Variants in TFEB observed in about 807,000 individuals in gnomAD.
The protein encoded by TFEB is transcription factor EB, also known as T-cell transcription factor EB.
Under a neutral mutation model 48.0 loss-of-function variants are expected in TFEB, and 12 were observed. The observed-to-expected ratio is 0.25, with a 90% CI of 0.16 to 0.40. The LOEUF is 0.40. Ranked by LOEUF, TFEB falls within the 10% of genes least tolerant of loss-of-function variation. The pLI, the probability that TFEB is intolerant of heterozygous loss-of-function variation, is 1.00. For missense variants in TFEB, 509 were observed against 640.3 expected, an observed-to-expected ratio of 0.79 and a Z score of 2.21; for synonymous variants, 244 against 261.4, an observed-to-expected ratio of 0.93 and a Z score of 0.64.
chr6:41,722,411 C>T (rs1016639020), intron 1 of TFEB, among the ~76,000 whole-genome samples: 5 of 152,244 alleles, frequency 3.3e-5, no homozygotes, highest in Non-Finnish European at 5.9e-5. Flanking sequence ...CACACCCCTC[C>T]CAGCAGACCC....
intron 1 of TFEB, among the ~76,000 whole-genome samples, chr6:41,725,416 G>T (rs1186413493): frequency 1.3e-5 from 2 of 152,174 alleles, no homozygotes; most frequent in African/African-American, 4.8e-5. Flanking sequence ...TCTAGCCTGA[G>T]AGTCTCCCCC....
rs563045587 is a variant in TFEB, at chr6:41,723,807, G to T, written c.-23+11543C>A. The T allele has an allele frequency of 1.0e-5, 4 of 393,774 alleles. No individual in the cohort carries two copies. Among genetic ancestry groups the T allele is most frequent in the African/African-American group, 2.1e-5 (1 of 48,010 alleles). 24.4% of individuals were successfully genotyped at this position (393,774 alleles called of 1,614,324 possible). A position where few individuals can be genotyped will look rare whatever the true frequency, so the allele number is the denominator to read the frequency against. On this transcript the variant is annotated intron_variant, in intron 1 of 8. Coordinates refer to ENST00000373033, the MANE Select transcript of TFEB (RefSeq NM_001271944.2). The surrounding 1 kb of genome is among the most constrained non-coding windows in gnomAD (Gnocchi z 6.0). ...CTCCCACAGGAGGCCTCTCATGGCC[G>T]CCCTGACCCCAGCCTGACCTCAGAG...
Position 41,723,546 on chromosome 6 carries a change from A to T in TFEB, c.-23+11804T>A, listed in dbSNP as rs1372329134. 7.8e-7 allele frequency: 1 copy of T among 1,274,690 alleles called. No homozygotes were observed. 79.0% of individuals were successfully genotyped at this position (1,274,690 alleles called of 1,614,324 possible). On this transcript the variant is annotated intron_variant, in intron 1 of 8. Coordinates refer to ENST00000373033, the MANE Select transcript of TFEB (RefSeq NM_001271944.2). The surrounding 1 kb of genome is among the most constrained non-coding windows in gnomAD (Gnocchi z 6.0). The stretch of plus-strand genomic sequence containing the variant: ...GAGCCCAGGGCCGCACCCCAGCCCC[A>T]GGGCCGGGCTCAGTTTCCTCATTTC...
At position 41,691,385 on chromosome 6, in the gene TFEB, C is replaced by T. The variant is rs2127449248; in HGVS notation, c.-22-150G>A. ...AGAGGGGAAGAGATTTGCCCAAGGTCACTGAGCAAGCGGGTGACAGCTGAG... is the reference window on the plus strand; with the variant it reads ...AGAGGGGAAGAGATTTGCCCAAGGTTACTGAGCAAGCGGGTGACAGCTGAG... On this transcript the variant is annotated intron_variant, in intron 1 of 8. Transcript: ENST00000373033. The surrounding 1 kb of genome is among the most constrained non-coding windows in gnomAD (Gnocchi z 5.2). The T allele has an allele frequency of 1.2e-6, 1 of 839,468 alleles. No individual in the cohort carries two copies. Among genetic ancestry groups the T allele is most frequent in the East Asian group, 2.6e-5 (1 of 37,770 alleles). The allele number at this position is 839,468 out of a possible 1,614,324, so 52.0% of individuals were successfully genotyped here.
intron 1 of TFEB, among the ~76,000 whole-genome samples, chr6:41,710,416 G>A (rs1209868287): frequency 1.3e-5 from 2 of 152,176 alleles, no homozygotes; most frequent in Non-Finnish European, 2.9e-5. Context: ...GGGACAACAG[G>A]CCAGGATGGC....
chr6:41,714,961 A>G (rs931754990), intron 1 of TFEB, among the ~76,000 whole-genome samples: 2 of 152,234 alleles, frequency 1.3e-5, no homozygotes, highest in Non-Finnish European at 2.9e-5. Flanking sequence ...TGTTAGCAGC[A>G]GCACTCCCAT....
chr6:41,697,408 CAA>C (rs56059829), intron 1 of TFEB, among the ~76,000 whole-genome samples: 15 of 63,500 alleles, frequency 2.4e-4, no homozygotes, highest in South Asian at 1.3e-3. Flanking sequence ...AACTCCATCT[CAA>C]AAAAAAAAAA....
chr6:41,689,612 G>A, intron 4 of TFEB, 119 bp downstream of exon 4: 1 of 743,108 alleles, frequency 1.3e-6, no homozygotes, highest in East Asian at 2.6e-5. Flanking sequence ...CATCTCTACA[G>A]AAACATGCCA....
At chr6:41,686,305 C>G (rs553860859) in intron 7 of TFEB, 68 bp from the exon 8 acceptor site, 1 of 1,589,422 alleles carries the variant, frequency 6.3e-7, no homozygotes, top group African/African-American at 1.3e-5. Context: ...TGCTACTGCT[C>G]TGGTTGCAGA....
intron 1 of TFEB, among the ~76,000 whole-genome samples, chr6:41,727,174 G>C (rs1331908074): frequency 6.6e-6 from 1 of 152,202 alleles, no homozygotes; most frequent in East Asian, 1.9e-4. Flanking sequence ...CATTCCTCTG[G>C]GCCCCTGACA....
chr6:41,698,954 T>C (rs1769754052), intron 1 of TFEB, among the ~76,000 whole-genome samples: 1 of 152,152 alleles, frequency 6.6e-6, no homozygotes. Flanking sequence ...TGAGTCACTG[T>C]AGGGCCTGGG....
intron 3 of TFEB, 22 bp from the exon 4 acceptor site, chr6:41,689,833 CT>C: frequency 1.2e-6 from 2 of 1,605,428 alleles, no homozygotes; most frequent in Non-Finnish European, 1.7e-6. Context: ...AAAAGTCCAT[CT>C]GGGGAGGGCC....
chr6:41,733,535 T>C, intron 1 of TFEB: 1 of 803,000 alleles, frequency 1.2e-6, no homozygotes, highest in Non-Finnish European at 1.5e-6. Context: ...CAAACAGCTC[T>C]GCCCTTCATT....
chr6:41,725,126 G>A (rs1405668973), intron 1 of TFEB, among the ~76,000 whole-genome samples: 2 of 152,068 alleles, frequency 1.3e-5, no homozygotes, highest in Admixed American at 6.5e-5. Flanking sequence ...TGACTTCCTC[G>A]AGGCCATGCA....
rs187986012 is a variant in TFEB at position 41,699,717 on chromosome 6, C to T, written c.-22-8482G>A. On this transcript the variant is annotated intron_variant, in intron 1 of 8. Transcript: ENST00000373033. ...TTTTATTATATTAGCTGGCAACTTCCGATACAGAAACATAGCAAACCCAGG... is the reference window on the plus strand; with the variant it reads ...TTTTATTATATTAGCTGGCAACTTCTGATACAGAAACATAGCAAACCCAGG... Among the ~76,000 whole-genome samples, 50 of 152,238 alleles carry T rather than the reference C, an allele frequency of 3.3e-4. 1 individual carries two copies. The East Asian group carries it at 4.8e-3, about 15-fold the overall frequency.
rs1276825994 is a variant in TFEB, at chr6:41,723,618, G to A, written c.-23+11732C>T. On this transcript the variant is annotated intron_variant, in intron 1 of 8. Coordinates refer to ENST00000373033, the MANE Select transcript of TFEB (RefSeq NM_001271944.2). This position sits in a 1 kb window ranked among gnomAD's most constrained non-coding sequence, Gnocchi z 6.0. ...CCCAGCCCCCTGCACCTCAGCTGGA[G>A]AGGAAGTTGCACAATCCCCTGGGAG... 9.0e-7 allele frequency: 1 copy of A among 1,112,152 alleles called. No homozygotes were observed. The highest frequency in any genetic ancestry group is 1.2e-6 in the Non-Finnish European group (1 of 859,128). The allele number at this position is 1,112,152 out of a possible 1,614,324, so 68.9% of individuals were successfully genotyped here.
At chr6:41,703,904 G>A (rs573330688) in intron 1 of TFEB, among the ~76,000 whole-genome samples, 4 of 152,278 alleles carry the variant, frequency 2.6e-5, no homozygotes, top group East Asian at 3.9e-4. Flanking sequence ...AAACTTGCCC[G>A]AGGTCACACA....
At chr6:41,728,435 G>T (rs180926263) in intron 1 of TFEB, among the ~76,000 whole-genome samples, 1 of 152,332 alleles carries the variant, frequency 6.6e-6, no homozygotes, top group East Asian at 1.9e-4. Context: ...AGCCAGCACC[G>T]TCCTGGCAAG....
chr6:41,728,177 T>C (rs1180803477), intron 1 of TFEB, among the ~76,000 whole-genome samples: 1 of 152,234 alleles, frequency 6.6e-6, no homozygotes, highest in Non-Finnish European at 1.5e-5. Context: ...CCTCTGTGGT[T>C]ACTAAGATTC....
Sources: allele counts gnomAD v4.1 joint callset (sites outside exome capture counted in the v4.1 genomes callset), GRCh38; gene constraint gnomAD v4.1.1; non-coding constraint Gnocchi (gnomAD v3.1); transcripts MANE v1.5; gene names NCBI Gene and HGNC (gene_info 2026-07-23, HGNC 2026-07-21).